The following SLC26A7 variants were observed in gnomAD, a reference collection of about 807,000 sequenced individuals.
SLC26A7 encodes the protein solute carrier family 26 member 7.
In SLC26A7, 59 loss-of-function variants were observed where a neutral mutation model predicts 82.5. The observed-to-expected ratio is 0.72, with a 90% CI of 0.58 to 0.89. The LOEUF is 0.89. Ranked by LOEUF, SLC26A7 falls within the 40% of genes least tolerant of loss-of-function variation. The pLI is 0.00. For missense variants in SLC26A7, 820 were observed against 793.0 expected (o/e 1.03, Z -0.41); for synonymous variants, 271 against 274.3 (o/e 0.99, Z 0.12).
chr8:91,318,143 C>A, intron 4 of SLC26A7, 73 bp from the exon 5 acceptor site: 1 of 1,302,148 alleles, frequency 7.7e-7, no homozygotes, highest in Non-Finnish European at 1.1e-6. Flanking sequence ...GAGAATGTGT[C>A]AAATATTAAG....
chr8:91,386,730 A>G (rs1814809320), intron 15 of SLC26A7, among the ~76,000 whole-genome samples: 1 of 152,184 alleles, frequency 6.6e-6, no homozygotes, highest in Non-Finnish European at 1.5e-5. Flanking sequence ...GCCAATTTCC[A>G]TGGTGTAAAT....
rs193166810 is a variant in SLC26A7, at chr8:91,274,442, G to A, written c.194-14694G>A. On this transcript the variant is annotated intron_variant, in intron 2 of 18. Coordinates refer to ENST00000276609, the MANE Select transcript of SLC26A7 (RefSeq NM_052832.4). Reference sequence around the variant, plus strand: ...CCTTCTTTCTGTCTTATAACATAGTGGTAGACAGAGAGAGAGAGAGAAACA... The same window carrying A: ...CCTTCTTTCTGTCTTATAACATAGTAGTAGACAGAGAGAGAGAGAGAAACA... Among the ~76,000 whole-genome samples, 1,042 of 152,292 alleles carry A rather than the reference G, an allele frequency of 6.8e-3. 9 individuals are homozygous for A. Among genetic ancestry groups the A allele is most frequent in the African/African-American group, 0.023 (945 of 41,558 alleles).
At chr8:91,366,281 T>G (rs1315315447) in intron 13 of SLC26A7, among the ~76,000 whole-genome samples, 1 of 152,210 alleles carries the variant, frequency 6.6e-6, no homozygotes, top group Non-Finnish European at 1.5e-5. Context: ...AGGATAGGAC[T>G]TCCTGGAACT....
In SLC26A7 at chr8:91,306,569, A is replaced by G. The variant is rs182459202; in HGVS notation, c.477+10866A>G. The stretch of plus-strand genomic sequence containing the variant: ...TTTTAGATTTGCAGAAAAGCACAAA[A>G]ATAGTACCCAGAGTTGACATATAAC... On this transcript the variant is annotated intron_variant, in intron 4 of 18. Coordinates refer to ENST00000276609, the MANE Select transcript of SLC26A7 (RefSeq NM_052832.4). Among the ~76,000 whole-genome samples the G allele has an allele frequency of 2.1e-3, 326 of 152,288 alleles. 1 individual carries two copies. Among genetic ancestry groups the G allele is most frequent in the Non-Finnish European group, 3.6e-3 (246 of 68,024 alleles).
chr8:91,232,560 C>G (rs1563636626), intron 2 of SLC26A7, among the ~76,000 whole-genome samples: 1 of 152,182 alleles, frequency 6.6e-6, no homozygotes, highest in Non-Finnish European at 1.5e-5. Flanking sequence ...TTGAACATGT[C>G]TTGCTGAATT....
intron 4 of SLC26A7, among the ~76,000 whole-genome samples, chr8:91,312,365 C>T (rs1035498434): frequency 3.9e-5 from 6 of 152,100 alleles, no homozygotes; most frequent in African/African-American, 1.4e-4. Flanking sequence ...CTGATGGACA[C>T]TTGGTTATCC....
intron 2 of SLC26A7, among the ~76,000 whole-genome samples, chr8:91,224,889 A>G (rs1037195382): frequency 1.3e-5 from 2 of 152,132 alleles, no homozygotes; most frequent in African/African-American, 4.8e-5. Context: ...GGCTGGAGTT[A>G]TTGGAGATCC....
chr8:91,215,463 A>G (rs1344365076), intron 1 of SLC26A7, among the ~76,000 whole-genome samples: 7 of 152,188 alleles, frequency 4.6e-5, no homozygotes, highest in African/African-American at 1.7e-4. Context: ...TTCAACAAAC[A>G]TAAAACTTAG....
At chr8:91,304,180 A>G (rs1812240660) in intron 4 of SLC26A7, among the ~76,000 whole-genome samples, 1 of 152,214 alleles carries the variant, frequency 6.6e-6, no homozygotes. Context: ...ATAATTCCCT[A>G]TTATACAGAT....
chr8:91,227,310 T>C (rs1239901672), intron 2 of SLC26A7, among the ~76,000 whole-genome samples: 1 of 152,228 alleles, frequency 6.6e-6, no homozygotes, highest in Non-Finnish European at 1.5e-5. Flanking sequence ...TTGGAATTTT[T>C]GTTTTTCACT....
chr8:91,363,644 A>G (rs1814110712), intron 13 of SLC26A7, 106 bp downstream of exon 13: 10 of 626,336 alleles, frequency 1.6e-5, no homozygotes, highest in Admixed American at 3.6e-5. Context: ...TTAAAAATAT[A>G]ACTTTTTAAT....
At chr8:91,390,499 TG>T (rs1463557161) in intron 16 of SLC26A7, among the ~76,000 whole-genome samples, 1 of 152,108 alleles carries the variant, frequency 6.6e-6, no homozygotes, top group Non-Finnish European at 1.5e-5. Context: ...TTGGTGGTGG[TG>T]GGACGTCTTG....
intron 2 of SLC26A7, among the ~76,000 whole-genome samples, chr8:91,259,958 G>T (rs1008523857): frequency 2.0e-5 from 3 of 152,114 alleles, no homozygotes; most frequent in African/African-American, 4.8e-5. Context: ...AGCAGCCAGG[G>T]TTGAGAACTA....
chr8:91,357,813 T>G (rs1274916919), intron 11 of SLC26A7, among the ~76,000 whole-genome samples: 5 of 152,038 alleles, frequency 3.3e-5, no homozygotes, highest in African/African-American at 1.2e-4. Flanking sequence ...ACCATCAGAG[T>G]GAACAGGCAA....
intron 5 of SLC26A7, 45 bp downstream of exon 5, chr8:91,318,425 G>T (rs1352874099): frequency 6.9e-7 from 1 of 1,454,242 alleles, no homozygotes; most frequent in Admixed American, 2.2e-5. Context: ...GAATGTGCAG[G>T]TTTCACAAAG....
intron 15 of SLC26A7, among the ~76,000 whole-genome samples, chr8:91,370,190 A>C (rs142816529): frequency 3.1e-4 from 25 of 80,878 alleles, no homozygotes; most frequent in South Asian, 3.7e-4. Flanking sequence ...TTTTTTTTCT[A>C]TTTTCTCCTC....
At position 91,382,644 on chromosome 8, in the gene SLC26A7, CAG is replaced by C. The variant is rs926309514; in HGVS notation, c.1676-6690_1676-6689del. Reference sequence around the variant, plus strand: ...AGTGGAATTCATAGTAATAGTGAAACAGAGAAATTACCACATGCTTTAATCAA... The same window carrying C: ...AGTGGAATTCATAGTAATAGTGAAACAGAAATTACCACATGCTTTAATCAA... On this transcript the variant is annotated intron_variant, in intron 15 of 18. Transcript: ENST00000276609. 4.6e-5 allele frequency among the ~76,000 whole-genome samples: 7 copies of C among 152,144 alleles called. No homozygotes were observed. The South Asian group carries it at 1.0e-3, about 23-fold the overall frequency.
At chr8:91,322,464 A>G (rs1342726576) in intron 5 of SLC26A7, among the ~76,000 whole-genome samples, 1 of 152,198 alleles carries the variant, frequency 6.6e-6, no homozygotes, top group Middle Eastern at 3.2e-3. Flanking sequence ...ATATTTGACC[A>G]GTAAGTTGGT....
chr8:91,252,312 T>C (rs1417644562), intron 2 of SLC26A7, among the ~76,000 whole-genome samples: 1 of 152,114 alleles, frequency 6.6e-6, no homozygotes, highest in Non-Finnish European at 1.5e-5. Context: ...TAATGGAAAT[T>C]CATTTGAGTG....
Sources: gnomAD v4.1 joint callset for allele counts (sites outside exome capture counted in the v4.1 genomes callset) on GRCh38, gnomAD v4.1.1 for gene constraint, MANE v1.5 for transcripts, NCBI Gene and HGNC (gene_info 2026-07-23, HGNC 2026-07-21) for gene names.